SMYD3: variants seen among roughly 807,000 people sequenced by gnomAD.
The protein encoded by SMYD3 is SET and MYND domain containing 3.
Under a neutral mutation model 57.7 loss-of-function variants are expected in SMYD3, and 36 were observed. The observed-to-expected ratio is 0.62, with a 90% CI of 0.48 to 0.82. The LOEUF (loss-of-function observed/expected upper bound fraction) is 0.82. Among genes scored for constraint, SMYD3 ranks in the 40% least tolerant of loss-of-function variants. SMYD3 has a pLI of 0.00. For missense variants in SMYD3, 515 were observed against 538.8 expected (o/e 0.96, Z 0.44); for synonymous variants, 211 against 195.0 (o/e 1.08, Z -0.68).
intron 1 of SMYD3, among the ~76,000 whole-genome samples, chr1:246,383,106 A>C (rs2066416310): frequency 6.6e-6 from 1 of 152,330 alleles, no homozygotes; most frequent in East Asian, 1.9e-4. Context: ...CTGCCCACCT[A>C]TTGACCCAGG....
chr1:246,425,188 G>C (rs933907132), intron 1 of SMYD3, among the ~76,000 whole-genome samples: 1 of 151,998 alleles, frequency 6.6e-6, no homozygotes, highest in East Asian at 1.9e-4. Flanking sequence ...AGTGACCATG[G>C]GCAAAGCACA....
chr1:245,769,492 A>T (rs894126541), intron 10 of SMYD3, among the ~76,000 whole-genome samples: 1 of 152,212 alleles, frequency 6.6e-6, no homozygotes, highest in East Asian at 1.9e-4. Flanking sequence ...CGGACCCGGG[A>T]TCTTCAACAA....
intron 5 of SMYD3, among the ~76,000 whole-genome samples, chr1:246,067,127 AAAGAAT>A (rs1315401931): frequency 6.6e-6 from 1 of 152,222 alleles, no homozygotes; most frequent in African/African-American, 2.4e-5. Context: ...GATAGAGCTA[AAAGAAT>A]AAGAAGGACT....
rs113804213 is a variant in SMYD3 at position 246,147,910 on chromosome 1, G to A, written c.531+179291C>T. 2.2e-3 allele frequency among the ~76,000 whole-genome samples: 330 copies of A among 152,200 alleles called. 3 individuals are homozygous for A. The highest frequency in any genetic ancestry group is 7.4e-3 in the African/African-American group (308 of 41,540). The stretch of plus-strand genomic sequence containing the variant: ...CACCCTGGAGGGCCCGGGAAGACCC[G>A]CCCCCCACTTCATCCCTGCAGGCTC... On this transcript the variant is annotated intron_variant, in intron 5 of 11. Transcript: ENST00000490107.
intron 5 of SMYD3, among the ~76,000 whole-genome samples, chr1:246,260,698 T>C (rs1246021316): frequency 1.3e-5 from 2 of 152,114 alleles, no homozygotes; most frequent in African/African-American, 4.8e-5. Flanking sequence ...CCCAAAGTGC[T>C]AGATTACCAG....
intron 1 of SMYD3, among the ~76,000 whole-genome samples, chr1:246,419,956 G>A (rs998083187): frequency 1.1e-4 from 16 of 152,246 alleles, no homozygotes; most frequent in Non-Finnish European, 4.4e-5. Flanking sequence ...AGAATTTCGG[G>A]AGGCCGAGGC....
chr1:246,211,587 C>T (rs7340004), intron 5 of SMYD3, among the ~76,000 whole-genome samples: 13,425 of 151,976 alleles, frequency 0.088, 1,048 homozygotes, highest in East Asian at 0.24. Flanking sequence ...CAATATTTAC[C>T]TTAGGAAAAA....
chr1:245,810,658 G>A (rs1221373376), intron 10 of SMYD3, among the ~76,000 whole-genome samples: 1 of 152,176 alleles, frequency 6.6e-6, no homozygotes, highest in Non-Finnish European at 1.5e-5. Flanking sequence ...TGTGAGGAGC[G>A]TGGAAAAGGG....
intron 5 of SMYD3, among the ~76,000 whole-genome samples, chr1:246,138,492 C>T (rs2061698904): frequency 2.3e-5 from 3 of 129,582 alleles, no homozygotes. Context: ...GTGGCGCGAT[C>T]TCAGCTCACT....
chr1:245,929,808 G>T (rs2147846544), intron 6 of SMYD3, 62 bp downstream of exon 6: 1 of 1,348,898 alleles, frequency 7.4e-7, no homozygotes, highest in Non-Finnish European at 1.1e-6. Context: ...CCTCCAAAGG[G>T]CTGGGGATTT....
chr1:246,239,301 A>G (rs113317335), intron 5 of SMYD3, among the ~76,000 whole-genome samples: 1 of 151,972 alleles, frequency 6.6e-6, no homozygotes, highest in African/African-American at 2.4e-5. Context: ...CCTGTGTCCA[A>G]GTGTTCTCAT....
intron 5 of SMYD3, among the ~76,000 whole-genome samples, chr1:246,074,456 C>G (rs549899019): frequency 3.0e-4 from 45 of 150,944 alleles, no homozygotes; most frequent in African/African-American, 1.1e-3. Context: ...CCATATATAA[C>G]ATACCAAATA....
intron 1 of SMYD3, among the ~76,000 whole-genome samples, chr1:246,449,173 A>T (rs1179485748): frequency 6.6e-6 from 1 of 152,158 alleles, no homozygotes; most frequent in Non-Finnish European, 1.5e-5. Flanking sequence ...TCGAGACTGC[A>T]ATGAGCCATG....
intron 1 of SMYD3, among the ~76,000 whole-genome samples, chr1:246,455,147 C>T (rs1176528679): frequency 1.3e-5 from 2 of 152,068 alleles, no homozygotes; most frequent in East Asian, 3.9e-4. Flanking sequence ...AAGTCCAAGT[C>T]CCTGATCTGA....
At chr1:246,080,044 A>AC (rs1460492750) in intron 5 of SMYD3, among the ~76,000 whole-genome samples, 3 of 152,094 alleles carry the variant, frequency 2.0e-5, no homozygotes, top group African/African-American at 7.2e-5. Flanking sequence ...AATTTGGAAC[A>AC]TCAGGGCTCT....
intron 5 of SMYD3, among the ~76,000 whole-genome samples, chr1:246,265,024 A>AG (rs1315451322): frequency 6.6e-6 from 1 of 152,240 alleles, no homozygotes; most frequent in Non-Finnish European, 1.5e-5. Context: ...TATGAAGAGA[A>AG]GCATGCTAAT....
intron 5 of SMYD3, among the ~76,000 whole-genome samples, chr1:245,949,706 G>T (rs1192365130): frequency 6.6e-6 from 1 of 152,134 alleles, no homozygotes; most frequent in African/African-American, 2.4e-5. Context: ...ATACTTGAGA[G>T]GCTGAGGTGG....
chr1:246,378,695 A>T, intron 1 of SMYD3, among the ~76,000 whole-genome samples: 1 of 126,104 alleles, frequency 7.9e-6, no homozygotes, highest in Non-Finnish European at 1.6e-5. Flanking sequence ...ATACTTAATA[A>T]ACTCCCCTTT....
chr1:246,116,201 G>GACACACACACACACAC lies in SMYD3; in HGVS notation c.532-186280_532-186265dup, dbSNP rs56722969. 1.1e-3 allele frequency among the ~76,000 whole-genome samples: 154 copies of GACACACACACACACAC among 146,016 alleles called. 1 individual carries two copies. Among genetic ancestry groups the GACACACACACACACAC allele is most frequent in the African/African-American group, 2.9e-3 (118 of 40,082 alleles). On this transcript the variant is annotated intron_variant, in intron 5 of 11. Coordinates refer to ENST00000490107, the MANE Select transcript of SMYD3 (RefSeq NM_001167740.2). ...CCTATACCTCAAGCACCCTGAGATG[G>GACACACACACACACAC]ACACACACACACACACACACACACA...
Sources: allele counts gnomAD v4.1 joint callset (sites outside exome capture counted in the v4.1 genomes callset), GRCh38; gene constraint gnomAD v4.1.1; transcripts MANE v1.5; gene names NCBI Gene and HGNC (gene_info 2026-07-23, HGNC 2026-07-21).